DCAF1: variants seen among roughly 807,000 people sequenced by gnomAD.
DCAF1 encodes the protein DDB1 and CUL4 associated factor 1, also known as DDB1- and CUL4-associated factor 1.
Under a neutral mutation model 128.0 loss-of-function variants are expected in DCAF1, and 15 were observed. That is an observed-to-expected ratio of 0.12 (90% CI 0.08 to 0.18). DCAF1 has a LOEUF of 0.18. Among genes scored for constraint, DCAF1 ranks in the 10% least tolerant of loss-of-function variants. The pLI is 1.00. For missense variants in DCAF1, 988 were observed against 1,649.5 expected, an observed-to-expected ratio of 0.60 and a Z score of 6.95; for synonymous variants, 610 against 603.0, an observed-to-expected ratio of 1.01 and a Z score of -0.17.
rs782431724 is a variant in DCAF1 at position 51,419,803 on chromosome 3, C to T, written c.3167G>A (p.Arg1056His). 5.0e-6 allele frequency: 8 copies of T among 1,613,932 alleles called. No homozygotes were observed. The highest frequency in any genetic ancestry group is 1.1e-5 in the South Asian group (1 of 91,084). Residue 1056 changes from arginine to histidine, a missense_variant, in exon 15 of 25, where the codon CGC becomes CAC. This residue lies in a region of DCAF1 where 105 missense variants were observed against 266.7 expected (regional missense o/e 0.39). Coordinates refer to ENST00000684031, the MANE Select transcript of DCAF1 (RefSeq NM_001387579.1). The stretch of plus-strand genomic sequence containing the variant: ...TCCATACTTTGGAAATGATGCCCTG[C>T]GGTTTAGCCTTGACGTAAAGTTTAT... The part of the protein sequence containing the change: ...APINFTSRLN[R>H]RASFPKYGGV...
At chr3:51,482,829 A>G (rs1159294106) in intron 3 of DCAF1, among the ~76,000 whole-genome samples, 2 of 144,274 alleles carry the variant, frequency 1.4e-5, no homozygotes, top group Non-Finnish European at 3.0e-5. Context: ...AATTTTTTTT[A>G]TTTTTATTTT....
At chr3:51,432,861 C>T (rs1453907698) in intron 10 of DCAF1, among the ~76,000 whole-genome samples, 6 of 152,150 alleles carry the variant, frequency 3.9e-5, no homozygotes, top group Admixed American at 3.9e-4. Context: ...CTAAATAAAG[C>T]TCCCAGACTC....
upstream of DCAF1, among the ~76,000 whole-genome samples, chr3:51,500,812 C>CTTTTT (rs3051029): frequency 1.6e-5 from 2 of 128,662 alleles, no homozygotes; most frequent in African/African-American, 2.9e-5. Flanking sequence ...TTTTCTCTGT[C>CTTTTT]TTTTTTTTTT....
chr3:51,452,838 C>G (rs1702490235), intron 6 of DCAF1, among the ~76,000 whole-genome samples: 1 of 151,922 alleles, frequency 6.6e-6, no homozygotes, highest in Non-Finnish European at 1.5e-5. Flanking sequence ...GTGGTGAAAC[C>G]TCATCTCTAA....
chr3:51,439,518 T>G (rs532180409), intron 9 of DCAF1, among the ~76,000 whole-genome samples: 3 of 148,222 alleles, frequency 2.0e-5, no homozygotes, highest in South Asian at 4.3e-4. Context: ...CTCTGCTCAC[T>G]GCAACGTCCA....
In DCAF1 at chr3:51,397,936, G is replaced by A. The variant is rs2089322319; in HGVS notation, c.*833C>T. ...CCTTTGATTTGTAATTTCCACAATGGGGAGAAAGGGAAGAAAAAAAGATTT... is the reference window on the plus strand; with the variant it reads ...CCTTTGATTTGTAATTTCCACAATGAGGAGAAAGGGAAGAAAAAAAGATTT... On this transcript the variant is annotated 3_prime_UTR_variant, in exon 25 of 25. Transcript: ENST00000684031. 1 of 166,454 alleles carries A rather than the reference G, an allele frequency of 6.0e-6. No homozygotes were observed. Among genetic ancestry groups the A allele is most frequent in the Admixed American group, 6.5e-5 (1 of 15,268 alleles). The allele number at this position is 166,454 out of a possible 1,614,324, so 10.3% of individuals were successfully genotyped here.
intron 21 of DCAF1, 89 bp from the exon 22 acceptor site, chr3:51,413,155 C>T: frequency 1.9e-6 from 3 of 1,572,356 alleles, no homozygotes; most frequent in Non-Finnish European, 2.6e-6. Context: ...AGGATGATTG[C>T]TCAAAAGTAT....
At chr3:51,414,169 A>C in intron 19 of DCAF1, 126 bp from the exon 20 acceptor site, 6 of 1,272,746 alleles carry the variant, frequency 4.7e-6, no homozygotes, top group South Asian at 1.9e-5. Flanking sequence ...CAATGAGATC[A>C]AGGTAAAACA....
Position 51,413,970 on chromosome 3 carries a change from G to A in DCAF1, c.3911C>T (p.Thr1304Met), listed in dbSNP as rs560363928. 19 of 1,592,222 alleles carry A rather than the reference G, an allele frequency of 1.2e-5. No individual in the cohort carries two copies. The highest frequency in any genetic ancestry group is 2.3e-5 in the South Asian group (2 of 85,806). Reference sequence around the variant, plus strand: ...ATTACCTCCATACATCACTGTTCCCGTGTGATTGAACACCACGCGACACTG... The same window carrying A: ...ATTACCTCCATACATCACTGTTCCCATGTGATTGAACACCACGCGACACTG... ...LDQCRVVFNH[T>M]GTVMYGAMLQ... Residue 1304 changes from threonine (T) to methionine (M), a missense_variant, in exon 20 of 25, where the codon ACG (threonine) becomes ATG (methionine). Transcript: ENST00000684031.
chr3:51,399,017 A>C (rs1553624104), intron 24 of DCAF1, among the ~76,000 whole-genome samples, 190 bp from the exon 25 acceptor site: 1 of 152,236 alleles, frequency 6.6e-6, no homozygotes, highest in Non-Finnish European at 1.5e-5. Context: ...TGGCAGTTGT[A>C]TTCTCCCGGA....
At chr3:51,438,457 T>C (rs1358063143) in intron 9 of DCAF1, among the ~76,000 whole-genome samples, 3 of 152,214 alleles carry the variant, frequency 2.0e-5, no homozygotes, top group Admixed American at 1.3e-4. Flanking sequence ...AACAACCATA[T>C]AGCTACATGT....
In DCAF1 at chr3:51,414,679, T is replaced by C. The variant is rs782112358; in HGVS notation, c.3782A>G (p.Asn1261Ser). Residue 1261 changes from asparagine to serine, a missense_variant, in exon 19 of 25, where the codon AAC becomes AGC. Around this residue, in one of 11 missense-constraint regions of DCAF1, gnomAD observed 85 missense variants for 204.6 expected, o/e 0.42. Transcript: ENST00000684031. ...AIHKFDKFNMNISGVFHPNGL... is the reference protein window; with the variant it reads ...AIHKFDKFNMSISGVFHPNGL... Reference sequence around the variant, plus strand: ...ATTTGGATGGAAAACACCACTGATGTTCATATTGAACTTGTCAAACTTGTG... The same window carrying C: ...ATTTGGATGGAAAACACCACTGATGCTCATATTGAACTTGTCAAACTTGTG... The C allele has an allele frequency of 6.2e-7, 1 of 1,614,032 alleles. No individual in the cohort carries two copies. The highest frequency in any genetic ancestry group is 1.1e-5 in the South Asian group (1 of 91,086).
At chr3:51,447,731 T>A (rs890717210) in intron 6 of DCAF1, among the ~76,000 whole-genome samples, 1 of 152,136 alleles carries the variant, frequency 6.6e-6, no homozygotes, top group Admixed American at 6.6e-5. Flanking sequence ...GTGGATCACA[T>A]GAGGTCAGGA....
At chr3:51,494,239 C>T (rs1260499882) in intron 2 of DCAF1, among the ~76,000 whole-genome samples, 2 of 151,072 alleles carry the variant, frequency 1.3e-5, no homozygotes, top group African/African-American at 2.4e-5. Context: ...TTCAGCCTCC[C>T]GAGTAGCTGG....
At chr3:51,488,220 T>C (rs1041170977) in intron 2 of DCAF1, among the ~76,000 whole-genome samples, 4 of 152,180 alleles carry the variant, frequency 2.6e-5, no homozygotes, top group Admixed American at 6.6e-5. Flanking sequence ...CTCCAAAACC[T>C]GAAGAGGAAA....
Position 51,453,603 on chromosome 3 carries a change from G to GA in DCAF1, c.375+9510dup, listed in dbSNP as rs1266627165. ...GCTTTTCTTTTAACCTGTCTCGAAA[G>GA]AAAAAAAAAAGATTTCCAGAGTGTT... On this transcript the variant is annotated intron_variant, in intron 6 of 24. Coordinates refer to ENST00000684031, the MANE Select transcript of DCAF1 (RefSeq NM_001387579.1). 1.6e-4 allele frequency among the ~76,000 whole-genome samples: 24 copies of GA among 146,380 alleles called. No individual in the cohort carries two copies. The South Asian group carries it at 4.1e-3, about 25-fold the overall frequency.
At chr3:51,430,535 G>T (rs1553635301) in intron 10 of DCAF1, among the ~76,000 whole-genome samples, 1 of 46,180 alleles carries the variant, frequency 2.2e-5, no homozygotes. Flanking sequence ...AGAGGAAGAG[G>T]TAAGGAACTT....
chr3:51,504,884 CAGG>C, upstream of DCAF1, among the ~76,000 whole-genome samples: 2 of 152,066 alleles, frequency 1.3e-5, no homozygotes, highest in African/African-American at 4.8e-5. Flanking sequence ...GAGGCTGAGG[CAGG>C]TGGATCATTG....
chr3:51,480,598 CA>C (rs34527434), intron 3 of DCAF1, among the ~76,000 whole-genome samples: 150 of 92,500 alleles, frequency 1.6e-3, no homozygotes, highest in African/African-American at 5.3e-3. Flanking sequence ...GAGTCTGCCT[CA>C]AAAAAAAAAA....
Sources: gnomAD v4.1 joint callset for allele counts (sites outside exome capture counted in the v4.1 genomes callset) on GRCh38, gnomAD v4.1.1 for gene constraint, gnomAD v4.1.1 regional missense constraint, MANE v1.5 for transcripts, NCBI Gene and HGNC (gene_info 2026-07-23, HGNC 2026-07-21) for gene names.